CPXM2: variants seen among roughly 807,000 people sequenced by gnomAD.
CPXM2 encodes carboxypeptidase X, M14 family member 2, also known as inactive carboxypeptidase-like protein X2.
CPXM2 carries 66 observed loss-of-function variants against 86.1 expected under a neutral mutation model. The observed-to-expected ratio is 0.77, with a 90% CI of 0.63 to 0.94. The LOEUF is 0.94. Ranked by LOEUF, CPXM2 falls within the 40% of genes least tolerant of loss-of-function variation. The pLI, the probability that CPXM2 is intolerant of heterozygous loss-of-function variation, is 0.00. For missense variants in CPXM2, 948 were observed against 1,026.3 expected, an observed-to-expected ratio of 0.92 and a Z score of 1.04; for synonymous variants, 388 against 400.2, an observed-to-expected ratio of 0.97 and a Z score of 0.36.
At chr10:123,861,835 A>G (rs28539410) in intron 3 of CPXM2, among the ~76,000 whole-genome samples, 26,873 of 152,238 alleles carry the variant, frequency 0.18, 2,657 homozygotes, top group African/African-American at 0.26. Context: ...AAGAGAATAC[A>G]TTTGTGGGAA....
rs527388819 is a variant in CPXM2, at chr10:123,797,440, A to G, written c.889+536T>C. ...CTTGGCAAGGGACTTTAGTAGCCCG[A>G]TTGTTCACTGTGCTTCCCAGTGGGC... On this transcript the variant is annotated intron_variant, in intron 6 of 13. Transcript: ENST00000241305. Among the ~76,000 whole-genome samples the G allele has an allele frequency of 8.5e-4, 129 of 152,280 alleles. 1 individual carries two copies. The highest frequency in any genetic ancestry group is 3.0e-3 in the African/African-American group (123 of 41,554).
chr10:123,936,838 C>G (rs553300687), intron 2 of CPXM2, among the ~76,000 whole-genome samples: 28 of 152,320 alleles, frequency 1.8e-4, no homozygotes, highest in Non-Finnish European at 3.7e-4. Context: ...TCATCTTCCT[C>G]TTCCTCTGTG....
upstream of CPXM2, among the ~76,000 whole-genome samples, chr10:123,944,101 G>A (rs1237825116): frequency 6.6e-6 from 1 of 152,198 alleles, no homozygotes; most frequent in Non-Finnish European, 1.5e-5. Context: ...TGGGGTGTGA[G>A]GCTGAGCTGG....
At chr10:123,768,265 C>G (rs1024382551) in intron 9 of CPXM2, among the ~76,000 whole-genome samples, 1 of 152,236 alleles carries the variant, frequency 6.6e-6, no homozygotes, top group African/African-American at 2.4e-5. Flanking sequence ...GTAATCCCAG[C>G]TACTTAGGAG....
At chr10:123,895,541 A>G (rs1451948608), upstream of CPXM2, among the ~76,000 whole-genome samples, 4 of 152,264 alleles carry the variant, frequency 2.6e-5, no homozygotes, top group African/African-American at 4.8e-5. Context: ...GAAAATTTCA[A>G]TAACTCCTTC....
chr10:123,936,734 T>G (rs893762496), intron 2 of CPXM2, among the ~76,000 whole-genome samples: 3 of 152,160 alleles, frequency 2.0e-5, no homozygotes, highest in Non-Finnish European at 2.9e-5. Context: ...CCACTCTCCC[T>G]TTGTCTCTCA....
rs1319016378 is a variant in CPXM2 at position 123,891,379 on chromosome 10, G to C, written c.281C>G (p.Ser94Trp). Reference sequence around the variant, plus strand: ...ACCTGGTGGAGGCGGCTCCGGAGCCGACTTCTCCCTCTTGGGAGCTTTCTT... The same window carrying C: ...ACCTGGTGGAGGCGGCTCCGGAGCCCACTTCTCCCTCTTGGGAGCTTTCTT... ...KPKKAPKREK[S>W]APEPPPPGKH... The change falls in exon 1 of 14, where the codon TCG becomes TGG. Residue 94 changes from serine to tryptophan, a missense_variant. Coordinates refer to ENST00000241305, the MANE Select transcript of CPXM2 (RefSeq NM_198148.3). This position sits in a 1 kb window ranked among gnomAD's most constrained non-coding sequence, Gnocchi z 5.6. 2 of 1,561,466 alleles carry C rather than the reference G, an allele frequency of 1.3e-6. No individual in the cohort carries two copies.
chr10:123,838,673 C>T (rs951354058), intron 4 of CPXM2, among the ~76,000 whole-genome samples: 7 of 152,144 alleles, frequency 4.6e-5, no homozygotes, highest in African/African-American at 1.7e-4. Flanking sequence ...ATGCAACACG[C>T]TGTGAGACTA....
chr10:123,907,182 C>T (rs1449163547), intron 2 of CPXM2, among the ~76,000 whole-genome samples: 1 of 152,168 alleles, frequency 6.6e-6, no homozygotes, highest in Non-Finnish European at 1.5e-5. Context: ...CATACCTGCT[C>T]CTGCTGCCAA....
At chr10:123,941,126 G>A (rs543279092), upstream of CPXM2, among the ~76,000 whole-genome samples, 382 of 152,258 alleles carry the variant, frequency 2.5e-3, 1 homozygote, top group African/African-American at 7.9e-3. Flanking sequence ...AGCCGAGATC[G>A]CGCCACTGCA....
chr10:123,901,972 T>C (rs940351748), intron 2 of CPXM2, among the ~76,000 whole-genome samples: 2 of 152,192 alleles, frequency 1.3e-5, no homozygotes, highest in African/African-American at 4.8e-5. Flanking sequence ...GAAGTCTCTT[T>C]CCTCCGAACT....
At chr10:123,783,371 G>C (rs1846978041) in intron 6 of CPXM2, among the ~76,000 whole-genome samples, 1 of 152,248 alleles carries the variant, frequency 6.6e-6, no homozygotes, top group Non-Finnish European at 1.5e-5. Context: ...TAACACTCAT[G>C]TGGGGAATCT....
chr10:123,935,321 T>G (rs567611040), intron 2 of CPXM2, among the ~76,000 whole-genome samples: 2 of 152,170 alleles, frequency 1.3e-5, no homozygotes, highest in Non-Finnish European at 2.9e-5. Context: ...GCATTTTCAA[T>G]TGCGGCGGGG....
At chr10:123,902,230 A>T (rs1190751855) in intron 2 of CPXM2, among the ~76,000 whole-genome samples, 1 of 152,208 alleles carries the variant, frequency 6.6e-6, no homozygotes, top group Non-Finnish European at 1.5e-5. Context: ...TGCAGCTCAC[A>T]GGCAGGTTAC....
At chr10:123,801,073 T>C (rs1847446997) in intron 4 of CPXM2, among the ~76,000 whole-genome samples, 1 of 152,170 alleles carries the variant, frequency 6.6e-6, no homozygotes, top group South Asian at 2.1e-4. Flanking sequence ...TGTCCCACCT[T>C]CCCTTCCTCC....
chr10:123,906,101 A>T (rs992256508), intron 2 of CPXM2, among the ~76,000 whole-genome samples: 2 of 152,106 alleles, frequency 1.3e-5, no homozygotes, highest in East Asian at 3.9e-4. Context: ...TGCCAGCTCC[A>T]GAAAGCCTCC....
At chr10:123,863,410 G>A (rs1303983157) in intron 2 of CPXM2, among the ~76,000 whole-genome samples, 1 of 152,160 alleles carries the variant, frequency 6.6e-6, no homozygotes, top group Non-Finnish European at 1.5e-5. Context: ...TGATGAACCG[G>A]GGGTCCCCGC....
intron 7 of CPXM2, among the ~76,000 whole-genome samples, chr10:123,774,688 C>T (rs948868656): frequency 2.0e-5 from 3 of 152,154 alleles, no homozygotes; most frequent in Non-Finnish European, 4.4e-5. Context: ...AAACAGGCTT[C>T]CCCTTATGAT....
intron 3 of CPXM2, among the ~76,000 whole-genome samples, chr10:123,851,171 C>G (rs1204468789): frequency 3.3e-5 from 5 of 152,216 alleles, no homozygotes; most frequent in Middle Eastern, 3.2e-3. Flanking sequence ...GTCACACTGG[C>G]TTTGCCTAAG....
Sources: allele counts gnomAD v4.1 joint callset (sites outside exome capture counted in the v4.1 genomes callset), GRCh38; gene constraint gnomAD v4.1.1; non-coding constraint Gnocchi (gnomAD v3.1); transcripts MANE v1.5; gene names NCBI Gene and HGNC (gene_info 2026-07-23, HGNC 2026-07-21).